Variants in EEFSEC observed in about 807,000 individuals in gnomAD.
EEFSEC encodes selenocysteine-specific elongation factor.
Under a neutral mutation model 42.1 loss-of-function variants are expected in EEFSEC, and 43 were observed. That is an observed-to-expected ratio of 1.02 (90% CI 0.80 to 1.32). EEFSEC has a LOEUF of 1.32. EEFSEC is among the 40% of genes most tolerant of loss of function. The probability of loss-of-function intolerance (pLI) is 0.00; values close to 1 mark genes in which losing one functional copy is unlikely to be tolerated. For missense variants in EEFSEC, 745 were observed against 803.6 expected (o/e 0.93, Z 0.88); for synonymous variants, 354 against 339.1 (o/e 1.04, Z -0.48).
chr3:128,362,338 A>G lies in EEFSEC; in HGVS notation c.1600+3965A>G, dbSNP rs1379542677. On this transcript the variant is annotated intron_variant, in intron 6 of 6. Transcript: ENST00000254730. ...CTCCCAACTGGAGAAGAATCATGTG[A>G]GAAGCTGAATAGACTTGTTCCTAAT... 3.6e-5 allele frequency: 17 copies of G among 470,252 alleles called. No individual in the cohort carries two copies. In the East Asian group the frequency reaches 1.0e-3, roughly 29 times the overall value. 29.1% of individuals were successfully genotyped at this position (470,252 alleles called of 1,614,324 possible). A position where few individuals can be genotyped will look rare whatever the true frequency, so the allele number is the denominator to read the frequency against.
chr3:128,385,655 A>G (rs2067830024), intron 6 of EEFSEC, among the ~76,000 whole-genome samples: 1 of 152,196 alleles, frequency 6.6e-6, no homozygotes, highest in South Asian at 2.1e-4. Flanking sequence ...GAGTTACCTC[A>G]TTGACTTATG....
intron 1 of EEFSEC, among the ~76,000 whole-genome samples, chr3:128,167,816 T>C (rs955590969): frequency 6.6e-6 from 1 of 152,244 alleles, no homozygotes; most frequent in African/African-American, 2.4e-5. Context: ...GATCGTATAT[T>C]TTCCTTTCTC....
intron 4 of EEFSEC, among the ~76,000 whole-genome samples, chr3:128,319,397 A>C (rs2066982996): frequency 6.6e-6 from 1 of 152,240 alleles, no homozygotes; most frequent in African/African-American, 2.4e-5. Context: ...TTCATGCCTC[A>C]GTGAGCGAGG....
At chr3:128,350,544 T>TAA (rs2067372294) in intron 5 of EEFSEC, among the ~76,000 whole-genome samples, 1 of 152,276 alleles carries the variant, frequency 6.6e-6, no homozygotes, top group Non-Finnish European at 1.5e-5. Context: ...GCCCTGGTAT[T>TAA]CTGGTCCCAG....
At chr3:128,232,870 G>A (rs1379650845) in intron 1 of EEFSEC, among the ~76,000 whole-genome samples, 1 of 152,154 alleles carries the variant, frequency 6.6e-6, no homozygotes, top group Non-Finnish European at 1.5e-5. Flanking sequence ...CTGGAAAGGC[G>A]ACATAAGCAG....
At chr3:128,263,741 CA>C (rs1223929255) in intron 3 of EEFSEC, among the ~76,000 whole-genome samples, 3 of 152,210 alleles carry the variant, frequency 2.0e-5, no homozygotes, top group African/African-American at 7.2e-5. Flanking sequence ...GTAGCAAACA[CA>C]AGGAATCCTA....
chr3:128,185,629 A>C (rs1366389255), intron 1 of EEFSEC, among the ~76,000 whole-genome samples: 1 of 152,122 alleles, frequency 6.6e-6, no homozygotes, highest in Non-Finnish European at 1.5e-5. Flanking sequence ...TGGTATGATC[A>C]TAGCTCACTG....
Position 128,197,272 on chromosome 3 carries a change from T to C in EEFSEC, c.316+43449T>C, listed in dbSNP as rs141225259. The stretch of plus-strand genomic sequence containing the variant: ...GAATCCTGGAGGCGGAAATACGCAT[T>C]TTGTTTTTCTTTTTTTTGAGACGGA... On this transcript the variant is annotated intron_variant, in intron 1 of 6. Transcript: ENST00000254730. Among the ~76,000 whole-genome samples, 699 of 152,284 alleles carry C rather than the reference T, an allele frequency of 4.6e-3. 4 individuals carry two copies. Among genetic ancestry groups the C allele is most frequent in the African/African-American group, 0.015 (615 of 41,562 alleles).
At chr3:128,224,273 A>G (rs1440031285) in intron 1 of EEFSEC, among the ~76,000 whole-genome samples, 1 of 152,212 alleles carries the variant, frequency 6.6e-6, no homozygotes, top group African/African-American at 2.4e-5. Flanking sequence ...AATAATTTTC[A>G]TAGAATGTAT....
chr3:128,210,616 T>G (rs1229111416), intron 1 of EEFSEC, among the ~76,000 whole-genome samples: 1 of 152,198 alleles, frequency 6.6e-6, no homozygotes, highest in Admixed American at 6.5e-5. Context: ...CAGCAATGTT[T>G]ATTTTAAGTT....
chr3:128,424,369 T>G, the EEFSEC span, among the ~76,000 whole-genome samples: 1 of 152,126 alleles, frequency 6.6e-6, no homozygotes, highest in East Asian at 1.9e-4. Flanking sequence ...GGGGGTGTTT[T>G]GGGTTTTTGT....
the EEFSEC span, among the ~76,000 whole-genome samples, chr3:128,425,208 T>C: frequency 6.6e-6 from 1 of 152,188 alleles, no homozygotes; most frequent in Non-Finnish European, 1.5e-5. Context: ...GCCCCAGCAT[T>C]CACTCATCTC....
chr3:128,313,301 CA>C (rs917508648), intron 4 of EEFSEC, among the ~76,000 whole-genome samples: 1 of 152,246 alleles, frequency 6.6e-6, no homozygotes, highest in African/African-American at 2.4e-5. Flanking sequence ...AAGCCAAGGA[CA>C]GGGCAAAATG....
chr3:128,256,317 T>C (rs4263308), intron 2 of EEFSEC, among the ~76,000 whole-genome samples: 1 of 152,234 alleles, frequency 6.6e-6, no homozygotes, highest in Non-Finnish European at 1.5e-5. Flanking sequence ...AGAAGATTTC[T>C]TGTCCCCTGA....
chr3:128,346,240 A>G (rs2067311198), intron 5 of EEFSEC, among the ~76,000 whole-genome samples: 1 of 152,204 alleles, frequency 6.6e-6, no homozygotes, highest in Admixed American at 6.5e-5. Context: ...AATCTTAAAC[A>G]AGCTTATTTT....
At chr3:128,157,254 A>G (rs1944397224) in intron 1 of EEFSEC, among the ~76,000 whole-genome samples, 1 of 152,248 alleles carries the variant, frequency 6.6e-6, no homozygotes, top group South Asian at 2.1e-4. Flanking sequence ...TGAAGCTAGC[A>G]GAAGTTGGTT....
intron 6 of EEFSEC, among the ~76,000 whole-genome samples, chr3:128,377,198 G>C (rs1441790039): frequency 6.6e-6 from 1 of 152,058 alleles, no homozygotes; most frequent in Non-Finnish European, 1.5e-5. Flanking sequence ...TTATGTAATT[G>C]AGATATGGTG....
At chr3:128,420,837 G>T in the EEFSEC span, among the ~76,000 whole-genome samples, 2 of 152,134 alleles carry the variant, frequency 1.3e-5, no homozygotes, top group African/African-American at 4.8e-5. Flanking sequence ...CTCCCCTCCA[G>T]CCCAGGCCCC....
At chr3:128,291,494 G>T (rs2066643648) in intron 4 of EEFSEC, among the ~76,000 whole-genome samples, 1 of 152,304 alleles carries the variant, frequency 6.6e-6, no homozygotes, top group South Asian at 2.1e-4. Context: ...GAAGGCCCTT[G>T]CAAGATGCCA....
Sources: allele counts gnomAD v4.1 joint callset (sites outside exome capture counted in the v4.1 genomes callset), GRCh38; gene constraint gnomAD v4.1.1; transcripts MANE v1.5; gene names NCBI Gene and HGNC (gene_info 2026-07-23, HGNC 2026-07-21).